TDRD3: variants seen among roughly 807,000 people sequenced by gnomAD.
TDRD3 encodes the protein tudor domain containing 3.
TDRD3 carries 45 observed loss-of-function variants against 86.7 expected under a neutral mutation model. The observed-to-expected ratio is 0.52, with a 90% confidence interval of 0.41 to 0.67. The LOEUF (loss-of-function observed/expected upper bound fraction) is 0.67, where lower values mean the gene tolerates loss of function less well. Ranked by LOEUF, TDRD3 falls within the 30% of genes least tolerant of loss-of-function variation. The pLI, the probability that TDRD3 is intolerant of heterozygous loss-of-function variation, is 0.00. For synonymous variants in TDRD3, 298 were observed against 301.7 expected, an observed-to-expected ratio of 0.99 and a Z score of 0.13; for missense variants, 814 against 889.0, an observed-to-expected ratio of 0.92 and a Z score of 1.07.
chr13:60,437,121 C>CTTTTTTTTTTT (rs528500199), intron 1 of TDRD3, among the ~76,000 whole-genome samples: 1 of 73,760 alleles, frequency 1.4e-5, no homozygotes, highest in Non-Finnish European at 2.5e-5. Context: ...ATAAATTAAA[C>CTTTTTTTTTTT]TTTTTTTTTT....
intron 3 of TDRD3, among the ~76,000 whole-genome samples, chr13:60,459,575 C>CAA (rs1955760276): frequency 4.6e-5 from 7 of 152,116 alleles, no homozygotes; most frequent in Non-Finnish European, 1.5e-5. Flanking sequence ...TTCATGTATA[C>CAA]CAGGAGAGGG....
intron 3 of TDRD3, among the ~76,000 whole-genome samples, chr13:60,458,913 T>G (rs1052870447): frequency 5.9e-5 from 9 of 152,240 alleles, no homozygotes; most frequent in African/African-American, 1.9e-4. Flanking sequence ...TGATTTAATT[T>G]AAATGTCCTT....
At chr13:60,491,017 T>TGAGGCAGGAGAATCGCTTGAACC (rs1956574191) in intron 7 of TDRD3, among the ~76,000 whole-genome samples, 1 of 149,776 alleles carries the variant, frequency 6.7e-6, no homozygotes, top group Admixed American at 6.8e-5. Context: ...CTCGGGAGCC[T>TGAGGCAGGAGAATCGCTTGAACC]GAGGCAGGAG....
chr13:60,443,564 A>T (rs1955331822), intron 2 of TDRD3, among the ~76,000 whole-genome samples: 1 of 151,954 alleles, frequency 6.6e-6, no homozygotes, highest in Non-Finnish European at 1.5e-5. Flanking sequence ...TCTTAAGCTG[A>T]CTACATGTGG....
At chr13:60,437,249 C>A (rs1223545320) in intron 1 of TDRD3, among the ~76,000 whole-genome samples, 3 of 151,052 alleles carry the variant, frequency 2.0e-5, no homozygotes, top group Admixed American at 2.0e-4. Flanking sequence ...GCCTCAGCCT[C>A]CCGAGTAGCT....
At chr13:60,446,601 G>A (rs1463137042) in intron 3 of TDRD3, among the ~76,000 whole-genome samples, 1 of 152,016 alleles carries the variant, frequency 6.6e-6, no homozygotes, top group Non-Finnish European at 1.5e-5. Context: ...GTCTTCACCA[G>A]TATTAATGAA....
intron 10 of TDRD3, among the ~76,000 whole-genome samples, chr13:60,519,597 A>G (rs1019258741): frequency 6.6e-6 from 1 of 152,140 alleles, no homozygotes; most frequent in Non-Finnish European, 1.5e-5. Flanking sequence ...GAGTTTCATG[A>G]TGAAATACTG....
chr13:60,535,182 C>T lies in TDRD3; in HGVS notation c.2067C>T (p.Asn689=), dbSNP rs772658927. 8 of 1,613,848 alleles carry T rather than the reference C, an allele frequency of 5.0e-6. No homozygotes were observed. In the South Asian group the frequency reaches 5.5e-5, roughly 11 times the overall value. ...TTGTTAAATTCATTGACTACGGAAA[C>T]TATGAAGAGGTGCTACTGAGCAATA... ...TAVVKFIDYG[N]YEEVLLSNIK... is the part of the protein sequence containing the mutation. Residue 689 remains asparagine, a synonymous_variant, in exon 12 of 14, where the codon AAC becomes AAT. Coordinates refer to ENST00000377881, the MANE Select transcript of TDRD3 (RefSeq NM_001146070.2).
intron 3 of TDRD3, among the ~76,000 whole-genome samples, chr13:60,454,363 CAAGTCCTTAGGGGCTTA>C (rs1955616304): frequency 6.6e-6 from 1 of 152,062 alleles, no homozygotes; most frequent in Non-Finnish European, 1.5e-5. Flanking sequence ...TACAAATTCT[CAAGTCCTTAGGGGCTTA>C]AAATTTTTTT....
intron 1 of TDRD3, among the ~76,000 whole-genome samples, chr13:60,429,488 T>C (rs1954898753): frequency 6.6e-6 from 1 of 152,198 alleles, no homozygotes; most frequent in African/African-American, 2.4e-5. Context: ...GTTTTAAATT[T>C]TGACATAAAT....
intron 12 of TDRD3, among the ~76,000 whole-genome samples, chr13:60,554,266 A>G (rs1958135146): frequency 6.6e-6 from 1 of 152,248 alleles, no homozygotes; most frequent in South Asian, 2.1e-4. Flanking sequence ...AAAGACTGTC[A>G]TGCTCTTATT....
chr13:60,402,108 G>C (rs984136299), intron 1 of TDRD3, among the ~76,000 whole-genome samples: 3 of 152,214 alleles, frequency 2.0e-5, no homozygotes, highest in Non-Finnish European at 4.4e-5. Flanking sequence ...CCTGTCCACA[G>C]ATGAAGGGCT....
In TDRD3 at chr13:60,512,113, G is replaced by A. The variant is rs113700291; in HGVS notation, c.1141+1358G>A. 3.4e-3 allele frequency among the ~76,000 whole-genome samples: 519 copies of A among 152,226 alleles called. 4 individuals are homozygous for A. Among genetic ancestry groups the A allele is most frequent in the African/African-American group, 0.012 (495 of 41,538 alleles). On this transcript the variant is annotated intron_variant, in intron 10 of 13. Transcript: ENST00000377881. ...GAGTGTATTGGATTTACAGTTCCAC[G>A]TGGCTGGGGAAGCCTCACAATCACG...
chr13:60,457,073 A>G (rs1454518152), intron 3 of TDRD3, among the ~76,000 whole-genome samples: 1 of 152,186 alleles, frequency 6.6e-6, no homozygotes, highest in Non-Finnish European at 1.5e-5. Flanking sequence ...TATTTTATCT[A>G]GGTCCATTAC....
rs147076132 is a variant in TDRD3, at chr13:60,423,090, A to G, written c.42-16598A>G. 3.7e-4 allele frequency among the ~76,000 whole-genome samples: 57 copies of G among 152,342 alleles called. 1 individual carries two copies. The East Asian group carries it at 0.01, about 27-fold the overall frequency. On this transcript the variant is annotated intron_variant, in intron 1 of 13. Coordinates refer to ENST00000377881, the MANE Select transcript of TDRD3 (RefSeq NM_001146070.2). ...ATAAAAGCAAAAGAATTATAGTAGCATCAAGCTTTTCAAAACCAATATATA... is the reference window on the plus strand; with the variant it reads ...ATAAAAGCAAAAGAATTATAGTAGCGTCAAGCTTTTCAAAACCAATATATA...
chr13:60,541,899 G>GT (rs1419418575), intron 12 of TDRD3, among the ~76,000 whole-genome samples: 3 of 151,236 alleles, frequency 2.0e-5, no homozygotes, highest in African/African-American at 7.3e-5. Context: ...AGCTAATTTT[G>GT]TATTTTTAGT....
At chr13:60,429,645 A>G (rs889213978) in intron 1 of TDRD3, among the ~76,000 whole-genome samples, 3 of 152,192 alleles carry the variant, frequency 2.0e-5, no homozygotes, top group African/African-American at 7.2e-5. Flanking sequence ...AACAAAATAA[A>G]TAATAAAGGT....
intron 10 of TDRD3, among the ~76,000 whole-genome samples, chr13:60,520,435 G>A (rs1267337478): frequency 6.6e-6 from 1 of 152,052 alleles, no homozygotes; most frequent in East Asian, 1.9e-4. Context: ...TGTATGTGTT[G>A]TTCTCTCCTC....
intron 3 of TDRD3, among the ~76,000 whole-genome samples, chr13:60,449,668 A>C (rs1955489966): frequency 6.6e-6 from 1 of 152,118 alleles, no homozygotes. Flanking sequence ...GCAAAAACCT[A>C]TTCAAGATTA....
Sources: gnomAD v4.1 joint callset for allele counts (sites outside exome capture counted in the v4.1 genomes callset) on GRCh38, gnomAD v4.1.1 for gene constraint, MANE v1.5 for transcripts, NCBI Gene and HGNC (gene_info 2026-07-23, HGNC 2026-07-21) for gene names.